Variants in PPP2R3B observed in about 807,000 individuals in gnomAD.
The protein encoded by PPP2R3B is serine/threonine-protein phosphatase 2A regulatory subunit B'' subunit beta.
Under a neutral mutation model 72.9 loss-of-function variants are expected in PPP2R3B, and 68 were observed. That is an observed-to-expected ratio of 0.93 (90% CI 0.77 to 1.14). PPP2R3B has a LOEUF of 1.14. PPP2R3B is among the 50% of genes most tolerant of loss of function. PPP2R3B has a pLI of 0.00. For synonymous variants in PPP2R3B, 466 were observed against 375.8 expected (o/e 1.24, Z -2.78); for missense variants, 1,018 against 842.0 (o/e 1.21, Z -2.59).
chrX:339,125 C>T (rs1450193291), intron 10 of PPP2R3B, among the ~76,000 whole-genome samples: 1 of 125,840 alleles, frequency 7.9e-6, no homozygotes, highest in Non-Finnish European at 1.7e-5. Flanking sequence ...ACCGGTGCCC[C>T]AAGGATGCGT....
chrX:348,549 C>T (rs2071269861), intron 2 of PPP2R3B, among the ~76,000 whole-genome samples: 1 of 143,606 alleles, frequency 7.0e-6, no homozygotes, highest in Non-Finnish European at 1.5e-5. Flanking sequence ...GCACTCCAGC[C>T]TGGGTGACAG....
At chrX:349,542 G>A (rs1428968792) in intron 2 of PPP2R3B, among the ~76,000 whole-genome samples, 8 of 152,218 alleles carry the variant, frequency 5.3e-5, no homozygotes, top group Non-Finnish European at 7.3e-5. Context: ...GGGAAAGACC[G>A]AAAGATACGA....
chrX:386,467 T>C lies in PPP2R3B; in HGVS notation c.225A>G (p.Gly75=). ...GCAGCGCAGGGCCCGGCCCGGGGGT[T>C]CCCGGGGGTTCGAGCCCGCTGGGCC... ...APRPSGLEPP[G]TPGPGPALPL... is the part of the protein sequence containing the mutation. Residue 75 remains glycine, a synonymous_variant, in exon 1 of 13, where the codon GGA becomes GGG. Transcript: ENST00000390665. 1 of 1,290,494 alleles carries C rather than the reference T, an allele frequency of 7.7e-7. No homozygotes were observed. The highest frequency in any genetic ancestry group is 9.8e-7 in the Non-Finnish European group (1 of 1,016,798). 79.9% of individuals were successfully genotyped at this position (1,290,494 alleles called of 1,614,324 possible).
chrX:338,934 G>T, intron 10 of PPP2R3B, 38 bp from the exon 11 acceptor site: 1 of 1,568,236 alleles, frequency 6.4e-7, no homozygotes, highest in Non-Finnish European at 8.8e-7. Flanking sequence ...GCGTGAGCCC[G>T]GTCTCACCTT....
chrX:334,125 A>G lies in PPP2R3B; in HGVS notation c.*242T>C, dbSNP rs6645065. ...GGCTGGGTCGGGAACGGCAAGCGCC[A>G]GAGGGTGTCCGTGTGGGAACCCGTC... On this transcript the variant is annotated 3_prime_UTR_variant, in exon 13 of 13. Transcript: ENST00000390665. The G allele has an allele frequency of 0.45, 182,424 of 406,532 alleles. 44,970 individuals carry two copies. The highest frequency in any genetic ancestry group is 0.78 in the African/African-American group (36,917 of 47,504). 25.2% of individuals were successfully genotyped at this position (406,532 alleles called of 1,614,324 possible). A position where few individuals can be genotyped will look rare whatever the true frequency, so the allele number is the denominator to read the frequency against.
intron 1 of PPP2R3B, among the ~76,000 whole-genome samples, chrX:380,338 G>C (rs999779883): frequency 6.6e-6 from 1 of 152,186 alleles, no homozygotes; most frequent in Non-Finnish European, 1.5e-5. Flanking sequence ...ACAGTTGTAT[G>C]TAAAGAGCTC....
intron 2 of PPP2R3B, among the ~76,000 whole-genome samples, chrX:353,656 C>T (rs1340402995): frequency 1.3e-5 from 2 of 152,272 alleles, no homozygotes; most frequent in East Asian, 1.9e-4. Flanking sequence ...CCTTCACGAG[C>T]GCAGACGCAA....
rs1411074802 is a variant in PPP2R3B, at chrX:369,899, T to C, written c.325-8309A>G. The stretch of plus-strand genomic sequence containing the variant: ...AGCGGGAGGCGGAAGCACGGGAGGC[T>C]GTGGTATGGAATCAGGGACGGGGGG... On this transcript the variant is annotated intron_variant, in intron 1 of 12. Transcript: ENST00000390665. Among the ~76,000 whole-genome samples the C allele has an allele frequency of 2.6e-5, 4 of 152,180 alleles. No homozygotes were observed. In the East Asian group the frequency reaches 7.7e-4, roughly 29 times the overall value.
intron 12 of PPP2R3B, chrX:336,732 C>A (rs1193812672): frequency 6.6e-6 from 1 of 152,228 alleles, no homozygotes; most frequent in African/African-American, 2.4e-5. Context: ...TACCAACGAA[C>A]AACTGGAAAC....
chrX:338,371 C>A, intron 12 of PPP2R3B: 1 of 604,788 alleles, frequency 1.7e-6, no homozygotes, highest in Non-Finnish European at 3.0e-6. Flanking sequence ...ATCACAGAAC[C>A]CCACGCGGGG....
At chrX:351,038 G>A (rs1279859613) in intron 2 of PPP2R3B, among the ~76,000 whole-genome samples, 2 of 152,184 alleles carry the variant, frequency 1.3e-5, no homozygotes, top group Non-Finnish European at 2.9e-5. Flanking sequence ...CTGCAGAGGG[G>A]GCTGCGCGCC....
chrX:341,191 C>T (rs1407652633), intron 9 of PPP2R3B, 116 bp downstream of exon 9: 24 of 1,059,166 alleles, frequency 2.3e-5, no homozygotes, highest in Non-Finnish European at 3.3e-5. Flanking sequence ...GTGCACATGT[C>T]CCCCTGTGCC....
At chrX:341,048 T>G (rs1168933513) in intron 9 of PPP2R3B, 108 bp from the exon 10 acceptor site, 2 of 1,438,798 alleles carry the variant, frequency 1.4e-6, no homozygotes, top group Non-Finnish European at 9.3e-7. Context: ...CGCTGTGCCT[T>G]GCAGCCCCCA....
At chrX:377,854 C>A (rs1369525824) in intron 1 of PPP2R3B, among the ~76,000 whole-genome samples, 2 of 97,902 alleles carry the variant, frequency 2.0e-5, no homozygotes, top group Non-Finnish European at 4.0e-5. Context: ...CCGTCCACAC[C>A]CAGTGGGTCC....
chrX:373,447 GCC>G (rs2071911686), intron 1 of PPP2R3B: 1 of 152,126 alleles, frequency 6.6e-6, no homozygotes, highest in Admixed American at 6.6e-5. Flanking sequence ...GCGAGCGGGG[GCC>G]CACGCGGGGC....
intron 2 of PPP2R3B, among the ~76,000 whole-genome samples, chrX:353,158 G>A (rs1487564401): frequency 1.2e-4 from 18 of 152,058 alleles, no homozygotes; most frequent in Non-Finnish European, 2.2e-4. Context: ...TGGATCACCC[G>A]AGGTCAAGAG....
intron 2 of PPP2R3B, among the ~76,000 whole-genome samples, chrX:348,782 G>C (rs957876645): frequency 1.3e-4 from 20 of 152,182 alleles, no homozygotes; most frequent in African/African-American, 4.8e-4. Flanking sequence ...ATTTAAAACT[G>C]TCCCACCAAG....
chrX:336,834 C>G (rs188838260), intron 12 of PPP2R3B: 1 of 152,040 alleles, frequency 6.6e-6, no homozygotes, highest in African/African-American at 2.4e-5. Context: ...CGGAAAGCTA[C>G]AAAAATCCTG....
In PPP2R3B at chrX:383,434, T is replaced by C. The variant is rs758894331; in HGVS notation, c.324+2934A>G. Among the ~76,000 whole-genome samples the C allele has an allele frequency of 1.4e-3, 208 of 152,304 alleles. 1 individual carries two copies. The highest frequency in any genetic ancestry group is 4.7e-3 in the African/African-American group (196 of 41,584). ...TTCTGAATATTTCAGGCTTCCGTAG[T>C]ATTCTCGGGACACCAGACGCACCAG... is the stretch of plus-strand genomic sequence containing the variant. On this transcript the variant is annotated intron_variant, in intron 1 of 12. Coordinates refer to ENST00000390665, the MANE Select transcript of PPP2R3B (RefSeq NM_013239.5).
Sources: allele counts gnomAD v4.1 joint callset (sites outside exome capture counted in the v4.1 genomes callset), GRCh38; gene constraint gnomAD v4.1.1; transcripts MANE v1.5; gene names NCBI Gene and HGNC (gene_info 2026-07-23, HGNC 2026-07-21).